The following EYS variants were observed in gnomAD, a reference collection of about 807,000 sequenced individuals.
EYS encodes the protein EGF-like photoreceptor maintenance factor, also known as protein eyes shut homolog.
Under a neutral mutation model 282.1 loss-of-function variants are expected in EYS, and 250 were observed. The ratio of observed to expected loss-of-function variants is 0.89; its 90% CI spans 0.80 to 0.98. The LOEUF (loss-of-function observed/expected upper bound fraction) is 0.98, where lower values mean the gene tolerates loss of function less well. Among genes scored for constraint, EYS ranks in the 50% least tolerant of loss-of-function variants. EYS has a pLI of 0.00. For synonymous variants in EYS, 1,355 were observed against 1,282.9 expected (o/e 1.06, Z -1.20); for missense variants, 4,016 against 3,709.0 (o/e 1.08, Z -2.15).
At chr6:64,411,615 G>A (rs77904377) in intron 28 of EYS, among the ~76,000 whole-genome samples, 5,824 of 152,128 alleles carry the variant, frequency 0.038, 354 homozygotes, top group African/African-American at 0.13. Context: ...GGCTGAGGCA[G>A]GATGATCACT....
At chr6:65,705,318 C>G (rs1196761204) in intron 1 of EYS, among the ~76,000 whole-genome samples, 1 of 152,182 alleles carries the variant, frequency 6.6e-6, no homozygotes, top group Non-Finnish European at 1.5e-5. Flanking sequence ...CATGGAGCAG[C>G]TAAGCATAGC....
At position 63,726,601 on chromosome 6, in the gene EYS, CTT is replaced by C; in HGVS notation, c.8149_8150del (p.Lys2717AspfsTer29). The part of the protein sequence containing the change: ...MSFASFHVRK[K>X]THIQLQFQPL... ...GCTGAAACTGCAATTGAATATGTGT[CTT>C]TTTTCGAACATGAAAGGAAGCAAAA... On this transcript the variant is annotated frameshift_variant, in exon 42 of 43. Transcript: ENST00000503581. LOFTEE classifies it high-confidence loss of function. 1.9e-6 allele frequency: 3 copies of C among 1,551,174 alleles called. No individual in the cohort carries two copies. Among genetic ancestry groups the C allele is most frequent in the Non-Finnish European group, 2.6e-6 (3 of 1,146,708 alleles).
intron 12 of EYS, among the ~76,000 whole-genome samples, chr6:65,265,444 G>A (rs143134141): frequency 1.0e-3 from 159 of 152,026 alleles, no homozygotes; most frequent in African/African-American, 1.3e-3. Context: ...AACTCTGAAC[G>A]TGATTCCTAA....
intron 19 of EYS, among the ~76,000 whole-genome samples, chr6:64,868,391 G>A (rs1187240952): frequency 6.6e-6 from 1 of 151,400 alleles, no homozygotes. Context: ...CATGTAAAAT[G>A]CCACTAAATG....
intron 2 of EYS, among the ~76,000 whole-genome samples, chr6:65,499,554 T>C (rs557148777): frequency 4.9e-4 from 75 of 152,066 alleles, no homozygotes; most frequent in South Asian, 1.7e-3. Flanking sequence ...CATTGTACTT[T>C]CAAAACATAT....
In EYS at chr6:65,562,170, T is replaced by C. The variant is rs146409572; in HGVS notation, c.-332-66177A>G. On this transcript the variant is annotated intron_variant, in intron 2 of 42. Coordinates refer to ENST00000503581, the MANE Select transcript of EYS (RefSeq NM_001142800.2). ...ACTATATTTCCTCTGGAAGAAGCTATGTTTGTTCAAGAGGCAATTTGACAT... is the reference window on the plus strand; with the variant it reads ...ACTATATTTCCTCTGGAAGAAGCTACGTTTGTTCAAGAGGCAATTTGACAT... 7.7e-3 allele frequency among the ~76,000 whole-genome samples: 1,173 copies of C among 152,130 alleles called. 18 individuals carry two copies. The highest frequency in any genetic ancestry group is 0.025 in the African/African-American group (1,052 of 41,548).
chr6:64,971,603 T>C (rs1485347041), intron 14 of EYS, among the ~76,000 whole-genome samples: 11 of 152,174 alleles, frequency 7.2e-5, no homozygotes, highest in Non-Finnish European at 1.6e-4. Flanking sequence ...GGGACTACTT[T>C]TAAAAATTCT....
chr6:64,498,486 G>T (rs1403812955), intron 26 of EYS, among the ~76,000 whole-genome samples: 2 of 151,272 alleles, frequency 1.3e-5, no homozygotes, highest in East Asian at 3.9e-4. Flanking sequence ...TTTAAGTTCT[G>T]GGATACATGT....
Position 63,762,548 on chromosome 6 carries a change from A to G in EYS, c.7984T>C (p.Cys2662Arg). ...GAAATGCAGGTTGCTCCTCTGCTAC[A>G]GTGGTGTGGAGGGTCATGTTCAGGA... ...CDPEHDPPHH[C>R]SRGATCISLP... is the part of the protein sequence containing the mutation. The change falls in exon 41 of 43, where the codon TGT becomes CGT. Residue 2662 changes from cysteine (C) to arginine (R), a missense_variant. Coordinates refer to ENST00000503581, the MANE Select transcript of EYS (RefSeq NM_001142800.2). 1.3e-6 allele frequency: 2 copies of G among 1,550,500 alleles called. No homozygotes were observed.
At position 64,359,946 on chromosome 6, in the gene EYS, A is replaced by G. The variant is rs970591535; in HGVS notation, c.6078+28744T>C. ...GTAAAGCAAGTATCATCTCTTTTCC[A>G]TATACCAATCCAGTCACTATTTGGA... On this transcript the variant is annotated intron_variant, in intron 29 of 42. Coordinates refer to ENST00000503581, the MANE Select transcript of EYS (RefSeq NM_001142800.2). Among the ~76,000 whole-genome samples the G allele has an allele frequency of 1.1e-4, 17 of 151,592 alleles. No individual in the cohort carries two copies. The East Asian group carries it at 2.7e-3, about 24-fold the overall frequency.
intron 11 of EYS, among the ~76,000 whole-genome samples, chr6:65,317,318 T>C (rs1769320516): frequency 6.6e-6 from 1 of 152,210 alleles, no homozygotes. Flanking sequence ...TTTTAGTCAT[T>C]TATATTTCTC....
At chr6:64,966,700 G>T (rs945516201) in intron 14 of EYS, among the ~76,000 whole-genome samples, 24 of 152,086 alleles carry the variant, frequency 1.6e-4, no homozygotes, top group African/African-American at 5.8e-4. Flanking sequence ...TCCTCACATA[G>T]CCTTTTTCTT....
chr6:64,229,043 C>A (rs1224796750), intron 31 of EYS, among the ~76,000 whole-genome samples: 1 of 152,034 alleles, frequency 6.6e-6, no homozygotes, highest in African/African-American at 2.4e-5. Context: ...GAGGCTGAGG[C>A]GGGTGGATCA....
At chr6:64,620,509 G>A (rs1767412399) in intron 23 of EYS, among the ~76,000 whole-genome samples, 1 of 152,162 alleles carries the variant, frequency 6.6e-6, no homozygotes, top group Admixed American at 6.5e-5. Flanking sequence ...GATTCTGGAA[G>A]TTGTAGTTTT....
chr6:64,988,948 A>G (rs568221663), intron 14 of EYS, among the ~76,000 whole-genome samples: 1 of 151,600 alleles, frequency 6.6e-6, no homozygotes, highest in Admixed American at 6.6e-5. Context: ...TCAGTGTAAG[A>G]GCTTTAGTTC....
intron 19 of EYS, among the ~76,000 whole-genome samples, chr6:64,864,929 A>G (rs1041571538): frequency 1.3e-5 from 2 of 151,842 alleles, no homozygotes; most frequent in African/African-American, 4.8e-5. Flanking sequence ...CCAGCTATTC[A>G]GGAGGCTGAG....
At chr6:63,917,409 A>G (rs561909328) in intron 35 of EYS, among the ~76,000 whole-genome samples, 1 of 152,370 alleles carries the variant, frequency 6.6e-6, no homozygotes. Flanking sequence ...TTGGAAAAAT[A>G]CACTGTGTCC....
chr6:64,881,747 C>T (rs779355328), intron 19 of EYS, among the ~76,000 whole-genome samples: 4 of 151,726 alleles, frequency 2.6e-5, no homozygotes, highest in Non-Finnish European at 4.4e-5. Context: ...AAGATATTGG[C>T]TATTAAAATT....
At chr6:64,233,038 A>G (rs961884374) in intron 30 of EYS, among the ~76,000 whole-genome samples, 1 of 152,194 alleles carries the variant, frequency 6.6e-6, no homozygotes, top group Admixed American at 6.5e-5. Context: ...AACATTTGCC[A>G]TGGACTTCAT....
Sources: allele counts gnomAD v4.1 joint callset (sites outside exome capture counted in the v4.1 genomes callset), GRCh38; gene constraint gnomAD v4.1.1; transcripts MANE v1.5; gene names NCBI Gene and HGNC (gene_info 2026-07-23, HGNC 2026-07-21).